Variants in FLT1 observed in about 807,000 individuals in gnomAD.
The protein encoded by FLT1 is fms related receptor tyrosine kinase 1.
Under a neutral mutation model 156.3 loss-of-function variants are expected in FLT1, and 49 were observed. That is an observed-to-expected ratio of 0.31 (90% confidence interval 0.25 to 0.40). FLT1 has a LOEUF of 0.40. FLT1 is among the 10% of genes least tolerant of loss of function. FLT1 has a pLI of 1.00. For synonymous variants in FLT1, 594 were observed against 583.8 expected (o/e 1.02, Z -0.25); for missense variants, 1,322 against 1,637.2 (o/e 0.81, Z 3.32).
At chr13:28,340,495 A>T (rs1872293575) in intron 16 of FLT1, among the ~76,000 whole-genome samples, 1 of 152,210 alleles carries the variant, frequency 6.6e-6, no homozygotes, top group South Asian at 2.1e-4. Context: ...TGATGACTGC[A>T]TGTCTGTGGG....
chr13:28,355,378 A>T (rs565271589), intron 15 of FLT1, among the ~76,000 whole-genome samples: 48 of 152,338 alleles, frequency 3.2e-4, no homozygotes, highest in Middle Eastern at 6.8e-3. Context: ...TTTCGTGCTA[A>T]GTGCTGGGCA....
chr13:28,431,242 A>T lies in FLT1; in HGVS notation c.882T>A (p.Ser294Arg). 1 of 1,613,778 alleles carries T rather than the reference A, an allele frequency of 6.2e-7. No homozygotes were observed. The highest frequency in any genetic ancestry group is 8.5e-7 in the Non-Finnish European group (1 of 1,179,626). The change falls in exon 7 of 30, where the codon AGT becomes AGA. Residue 294 changes from serine to arginine, a missense_variant. Physicochemically the swap from Ser to Arg is moderately radical, Grantham distance 110 (BLOSUM62 -1). Transcript: ENST00000282397. ...TCTGCATTTTGTCAATAGTAAGAAC[A>T]CTGTAGAATATGTTGGCATGGGAAT... ...QSNSHANIFY[S>R]VLTIDKMQNK...
intron 20 of FLT1, 88 bp from the exon 21 acceptor site, chr13:28,323,034 A>G: frequency 7.3e-7 from 1 of 1,372,720 alleles, no homozygotes; most frequent in Non-Finnish European, 1.0e-6. Flanking sequence ...TCGCCTGATG[A>G]GAAATGAGAG....
intron 14 of FLT1, chr13:28,368,563 T>A (rs770656632): frequency 2.6e-6 from 4 of 1,521,408 alleles, no homozygotes; most frequent in Non-Finnish European, 3.6e-6. Flanking sequence ...ATGATGATGA[T>A]GATAATGATG....
intron 3 of FLT1, among the ~76,000 whole-genome samples, chr13:28,458,272 C>G (rs2137602740): frequency 6.6e-6 from 1 of 152,274 alleles, no homozygotes; most frequent in Admixed American, 6.5e-5. Flanking sequence ...TTTTCAAAGC[C>G]TTAAATTGTG....
chr13:28,422,279 A>G (rs1211004844), intron 10 of FLT1, among the ~76,000 whole-genome samples: 2 of 148,594 alleles, frequency 1.3e-5, no homozygotes, highest in Non-Finnish European at 3.0e-5. Context: ...AAAGAAAACG[A>G]GTTTTTTCAC....
intron 3 of FLT1, among the ~76,000 whole-genome samples, chr13:28,441,616 G>A (rs1878338705): frequency 6.6e-6 from 1 of 152,052 alleles, no homozygotes; most frequent in African/African-American, 2.4e-5. Flanking sequence ...TGATATAGTG[G>A]CATAGGAAAA....
rs531330033 is a variant in FLT1, at chr13:28,320,969, G to A, written c.3174+494C>T. Among the ~76,000 whole-genome samples the A allele has an allele frequency of 5.1e-4, 77 of 152,226 alleles. 1 individual carries two copies. Among genetic ancestry groups the A allele is most frequent in the Middle Eastern group, 3.4e-3 (1 of 294 alleles). Reference sequence around the variant, plus strand: ...GGAAGAGAAGCCAGTACGAGCCAGCGGGGAGATGCTAGGCATGGAAGGCCA... The same window carrying A: ...GGAAGAGAAGCCAGTACGAGCCAGCAGGGAGATGCTAGGCATGGAAGGCCA... On this transcript the variant is annotated intron_variant, in intron 23 of 29. Coordinates refer to ENST00000282397, the MANE Select transcript of FLT1 (RefSeq NM_002019.4).
intron 12 of FLT1, among the ~76,000 whole-genome samples, chr13:28,392,315 A>G (rs1300631976): frequency 6.6e-6 from 1 of 152,240 alleles, no homozygotes; most frequent in South Asian, 2.1e-4. Flanking sequence ...GGCAGCTGAC[A>G]GTCACTTTTA....
intron 3 of FLT1, among the ~76,000 whole-genome samples, chr13:28,450,428 G>C (rs1413546562): frequency 6.6e-6 from 1 of 152,056 alleles, no homozygotes. Flanking sequence ...GCGGTTTCTA[G>C]GTTCTGTTAA....
At chr13:28,432,421 A>C (rs1877749240) in intron 6 of FLT1, among the ~76,000 whole-genome samples, 1 of 152,190 alleles carries the variant, frequency 6.6e-6, no homozygotes, top group African/African-American at 2.4e-5. Flanking sequence ...CCCTAACGTA[A>C]CAGACTGAGG....
chr13:28,308,577 A>G (rs1329270540), intron 28 of FLT1: 1 of 471,278 alleles, frequency 2.1e-6, no homozygotes, highest in East Asian at 4.1e-5. Context: ...TAAGCAGCTT[A>G]GAAACACACA....
chr13:28,436,430 C>A (rs1227380668), intron 4 of FLT1, among the ~76,000 whole-genome samples: 1 of 152,174 alleles, frequency 6.6e-6, no homozygotes, highest in African/African-American at 2.4e-5. Flanking sequence ...ATGTGCCAAA[C>A]CAAAATCCCT....
At chr13:28,366,087 T>C (rs1027213551) in intron 14 of FLT1, among the ~76,000 whole-genome samples, 4 of 152,158 alleles carry the variant, frequency 2.6e-5, no homozygotes, top group South Asian at 4.1e-4. Flanking sequence ...TTCTGAGTTT[T>C]AGAAAGAAGG....
chr13:28,403,056 A>G (rs2137485622), intron 11 of FLT1, among the ~76,000 whole-genome samples: 2 of 152,288 alleles, frequency 1.3e-5, no homozygotes. Context: ...GGCTTACCAA[A>G]GTGTTGGGAT....
At chr13:28,473,757 G>A (rs1353006527) in intron 1 of FLT1, among the ~76,000 whole-genome samples, 7 of 82,558 alleles carry the variant, frequency 8.5e-5, no homozygotes, top group African/African-American at 3.1e-4. Flanking sequence ...AAGGAAGGAA[G>A]GAAGGAAGGA....
chr13:28,408,635 G>A (rs142659894), intron 10 of FLT1, among the ~76,000 whole-genome samples: 3 of 152,136 alleles, frequency 2.0e-5, no homozygotes, highest in Non-Finnish European at 2.9e-5. Flanking sequence ...TGTCTTGAGG[G>A]GGGAGGAAGC....
At chr13:28,339,834 A>T (rs1358370746) in intron 16 of FLT1, among the ~76,000 whole-genome samples, 1 of 152,220 alleles carries the variant, frequency 6.6e-6, no homozygotes, top group Non-Finnish European at 1.5e-5. Flanking sequence ...TTAAACTTTC[A>T]GAAGGCCTGA....
At chr13:28,385,292 A>G (rs954097814) in intron 13 of FLT1, among the ~76,000 whole-genome samples, 2 of 152,238 alleles carry the variant, frequency 1.3e-5, no homozygotes, top group Non-Finnish European at 2.9e-5. Context: ...GCTTTTGCCT[A>G]GCTAGCTAGT....
Sources: allele counts gnomAD v4.1 joint callset (sites outside exome capture counted in the v4.1 genomes callset), GRCh38; gene constraint gnomAD v4.1.1; transcripts MANE v1.5; gene names NCBI Gene and HGNC (gene_info 2026-07-23, HGNC 2026-07-21).